Variants in MEGF10 observed in about 807,000 individuals in gnomAD.
The protein encoded by MEGF10 is multiple epidermal growth factor-like domains protein 10.
A neutral mutation model predicts 147.5 loss-of-function variants in MEGF10; 86 were observed. That is an observed-to-expected ratio of 0.58 (90% CI 0.49 to 0.70). The LOEUF is 0.70. MEGF10 is among the 30% of genes least tolerant of loss of function. The probability of loss-of-function intolerance (pLI) is 0.00; values close to 1 mark genes in which losing one functional copy is unlikely to be tolerated. For missense variants in MEGF10, 1,329 were observed against 1,487.3 expected, an observed-to-expected ratio of 0.89 and a Z score of 1.75; for synonymous variants, 478 against 525.5, an observed-to-expected ratio of 0.91 and a Z score of 1.24.
chr5:127,229,524 C>G, the MEGF10 span: 1 of 152,028 alleles, frequency 6.6e-6, no homozygotes, highest in Non-Finnish European at 1.5e-5. Flanking sequence ...CGGGGAGGCG[C>G]GTCATGTGCA....
At chr5:127,448,700 C>G (rs1387284341) in intron 21 of MEGF10, among the ~76,000 whole-genome samples, 1 of 152,124 alleles carries the variant, frequency 6.6e-6, no homozygotes, top group African/African-American at 2.4e-5. Flanking sequence ...ATAATCTTAT[C>G]CTCATGTTTA....
At chr5:127,247,426 A>G in the MEGF10 span, among the ~76,000 whole-genome samples, 134 of 94,608 alleles carry the variant, frequency 1.4e-3, 27 homozygotes, top group Middle Eastern at 5.4e-3. Flanking sequence ...GAAGAAGAAG[A>G]AGAAGAAGAA....
intron 1 of MEGF10, among the ~76,000 whole-genome samples, chr5:127,303,434 A>G (rs1241635312): frequency 6.6e-6 from 1 of 151,992 alleles, no homozygotes; most frequent in Non-Finnish European, 1.5e-5. Flanking sequence ...AGTTAAATTC[A>G]CCAGGCAGTA....
At chr5:127,434,925 G>A (rs1379783843) in intron 15 of MEGF10, 104 bp downstream of exon 15, 3 of 1,056,622 alleles carry the variant, frequency 2.8e-6, no homozygotes, top group Non-Finnish European at 3.8e-6. Context: ...GTTTTCAGCT[G>A]TCTGCTGGGA....
At chr5:127,231,623 T>C in the MEGF10 span, among the ~76,000 whole-genome samples, 44 of 152,248 alleles carry the variant, frequency 2.9e-4, no homozygotes, top group African/African-American at 1.0e-3. Context: ...GCTGGGGATT[T>C]CACTATGTTG....
rs114396762 is a variant in MEGF10, at chr5:127,375,835, C to A, written c.412+5833C>A. Reference sequence around the variant, plus strand: ...CTTCCATTTAATTAGATTGAAGGAACCATATGATTCTATATGATTCTGAGA... The same window carrying A: ...CTTCCATTTAATTAGATTGAAGGAAACATATGATTCTATATGATTCTGAGA... On this transcript the variant is annotated intron_variant, in intron 5 of 24. Transcript: ENST00000503335. Among the ~76,000 whole-genome samples the A allele has an allele frequency of 4.8e-3, 726 of 152,306 alleles. 7 individuals are homozygous for A. Among genetic ancestry groups the A allele is most frequent in the African/African-American group, 0.017 (704 of 41,560 alleles).
intron 5 of MEGF10, among the ~76,000 whole-genome samples, chr5:127,394,361 G>T (rs754284884): frequency 3.3e-5 from 5 of 152,094 alleles, no homozygotes; most frequent in Non-Finnish European, 5.9e-5. Context: ...TGGGAATAAG[G>T]TCATTTTTAA....
intron 18 of MEGF10, 89 bp from the exon 19 acceptor site, chr5:127,442,909 C>T (rs899130683): frequency 4.3e-6 from 6 of 1,396,920 alleles, no homozygotes; most frequent in African/African-American, 1.4e-5. Context: ...TGAAAGGACT[C>T]AGCTCTAGAT....
the MEGF10 span, among the ~76,000 whole-genome samples, chr5:127,269,762 A>T: frequency 3.9e-5 from 6 of 152,094 alleles, no homozygotes; most frequent in African/African-American, 1.4e-4. Flanking sequence ...GAGAAGAGCA[A>T]CTCCAAGATA....
intron 5 of MEGF10, among the ~76,000 whole-genome samples, chr5:127,371,942 T>C (rs1762865328): frequency 6.6e-6 from 1 of 152,198 alleles, no homozygotes; most frequent in Admixed American, 6.5e-5. Context: ...TGATACCTTT[T>C]TAAGCAGGTA....
chr5:127,386,537 T>G (rs972887600), intron 5 of MEGF10, among the ~76,000 whole-genome samples: 2 of 152,212 alleles, frequency 1.3e-5, no homozygotes, highest in Non-Finnish European at 2.9e-5. Flanking sequence ...AGTTTTTAAT[T>G]GGCAATGAAA....
the MEGF10 span, among the ~76,000 whole-genome samples, chr5:127,261,915 G>C: frequency 1.5e-3 from 222 of 152,182 alleles, 11 homozygotes; most frequent in South Asian, 0.045. Context: ...CTTCTTTGGA[G>C]AAATGTCTGT....
chr5:127,309,817 G>A (rs938109485), intron 1 of MEGF10, among the ~76,000 whole-genome samples: 2 of 151,878 alleles, frequency 1.3e-5, no homozygotes, highest in South Asian at 2.1e-4. Flanking sequence ...CCCAGAAGGG[G>A]AATTGCTGCA....
intron 14 of MEGF10, among the ~76,000 whole-genome samples, chr5:127,434,458 C>A (rs891205382): frequency 6.6e-6 from 1 of 152,178 alleles, no homozygotes; most frequent in East Asian, 1.9e-4. Flanking sequence ...AAGACTAAGA[C>A]ATTTGCTTGC....
intron 1 of MEGF10, among the ~76,000 whole-genome samples, chr5:127,309,858 T>A (rs1344747516): frequency 6.6e-6 from 1 of 152,082 alleles, no homozygotes; most frequent in African/African-American, 2.4e-5. Context: ...TTTTGAGGAA[T>A]CACCATACTG....
intron 17 of MEGF10, among the ~76,000 whole-genome samples, chr5:127,440,073 C>CA (rs2127014173): frequency 6.6e-6 from 1 of 152,340 alleles, no homozygotes; most frequent in South Asian, 2.1e-4. Flanking sequence ...GACACTCTTG[C>CA]AGGGCAGCTG....
chr5:127,374,255 C>G (rs994609887), intron 5 of MEGF10, among the ~76,000 whole-genome samples: 1 of 152,208 alleles, frequency 6.6e-6, no homozygotes, highest in East Asian at 1.9e-4. Flanking sequence ...AAGTGCACTA[C>G]GTGCTCTGAG....
intron 4 of MEGF10, among the ~76,000 whole-genome samples, chr5:127,367,554 A>G (rs1762701830): frequency 6.6e-6 from 1 of 152,216 alleles, no homozygotes; most frequent in Non-Finnish European, 1.5e-5. Flanking sequence ...TATTAAACAC[A>G]AAAGTCTGAA....
intron 5 of MEGF10, among the ~76,000 whole-genome samples, chr5:127,385,007 G>T (rs1159929849): frequency 2.6e-5 from 4 of 152,124 alleles, no homozygotes; most frequent in African/African-American, 9.7e-5. Flanking sequence ...AAGAAGAAAG[G>T]GTGTATGTTT....
Sources: gnomAD v4.1 joint callset for allele counts (sites outside exome capture counted in the v4.1 genomes callset) on GRCh38, gnomAD v4.1.1 for gene constraint, MANE v1.5 for transcripts, NCBI Gene and HGNC (gene_info 2026-07-23, HGNC 2026-07-21) for gene names.